Variants in NRXN3 observed in about 807,000 individuals in gnomAD.
The protein encoded by NRXN3 is neurexin III.
In NRXN3, 32 loss-of-function variants were observed where a neutral mutation model predicts 137.6. That is an observed-to-expected ratio of 0.23 (90% CI 0.18 to 0.31). The LOEUF is 0.31. Among genes scored for constraint, NRXN3 ranks in the 10% least tolerant of loss-of-function variants. The probability of loss-of-function intolerance (pLI) is 1.00; values close to 1 mark genes in which losing one functional copy is unlikely to be tolerated. For synonymous variants in NRXN3, 798 were observed against 784.5 expected, an observed-to-expected ratio of 1.02 and a Z score of -0.29; for missense variants, 1,574 against 2,062.5, an observed-to-expected ratio of 0.76 and a Z score of 4.59.
At chr14:78,278,553 T>G in intron 2 of NRXN3, 92 bp from the exon 3 acceptor site, 2 of 927,610 alleles carry the variant, frequency 2.2e-6, no homozygotes, top group Non-Finnish European at 3.4e-6. Flanking sequence ...GCACATTGCA[T>G]TGTGTGTGTG....
chr14:79,745,700 C>T (rs2098977588), intron 19 of NRXN3, among the ~76,000 whole-genome samples: 1 of 152,100 alleles, frequency 6.6e-6, no homozygotes, highest in Non-Finnish European at 1.5e-5. Flanking sequence ...AATGTATTAT[C>T]TCATAGTTAC....
intron 15 of NRXN3, among the ~76,000 whole-genome samples, chr14:79,464,200 C>A (rs1316451837): frequency 6.6e-6 from 1 of 151,988 alleles, no homozygotes; most frequent in African/African-American, 2.4e-5. Flanking sequence ...AAATACTTTA[C>A]CAAGAATAGA....
chr14:79,241,588 C>T (rs1320886254), intron 15 of NRXN3, among the ~76,000 whole-genome samples: 1 of 152,122 alleles, frequency 6.6e-6, no homozygotes, highest in East Asian at 1.9e-4. Flanking sequence ...CACCTGGCCC[C>T]ACCCTTCACA....
At chr14:78,512,141 C>T (rs1206975914) in intron 4 of NRXN3, among the ~76,000 whole-genome samples, 1 of 152,092 alleles carries the variant, frequency 6.6e-6, no homozygotes, top group Non-Finnish European at 1.5e-5. Context: ...ATGAAGGATT[C>T]ATGGCCAAGT....
At chr14:79,843,909 A>T (rs910879556) in intron 20 of NRXN3, among the ~76,000 whole-genome samples, 9 of 152,026 alleles carry the variant, frequency 5.9e-5, no homozygotes, top group African/African-American at 2.2e-4. Context: ...GCCCCCTCCC[A>T]ACCTTCAAGT....
chr14:78,319,475 A>C (rs2079077174), intron 4 of NRXN3, among the ~76,000 whole-genome samples: 1 of 152,186 alleles, frequency 6.6e-6, no homozygotes, highest in South Asian at 2.1e-4. Flanking sequence ...CCATGAGGAC[A>C]CATTTCTGGG....
intron 15 of NRXN3, among the ~76,000 whole-genome samples, chr14:79,379,992 G>A (rs1015609157): frequency 6.6e-6 from 1 of 151,792 alleles, no homozygotes; most frequent in Non-Finnish European, 1.5e-5. Context: ...AAACAATCTA[G>A]GATTTCTGGA....
rs1222913544 is a variant in NRXN3, at chr14:78,548,207, C to T, written c.758-96913C>T. On this transcript the variant is annotated intron_variant, in intron 4 of 20. Coordinates refer to ENST00000335750, the MANE Select transcript of NRXN3 (RefSeq NM_001330195.2). ...ATAATTCCTTATCAAGAAATTTAAA[C>T]AACTCTAGTTAAAAACTTACAGAAT... 1.3e-5 allele frequency among the ~76,000 whole-genome samples: 2 copies of T among 152,042 alleles called. 1 individual carries two copies. Among genetic ancestry groups the T allele is most frequent in the Admixed American group, 1.3e-4 (2 of 15,250 alleles).
chr14:78,509,976 A>T (rs535425190), intron 4 of NRXN3, among the ~76,000 whole-genome samples: 152 of 151,614 alleles, frequency 1.0e-3, no homozygotes, highest in South Asian at 9.0e-3. Flanking sequence ...TTTTCTATAT[A>T]GGGGAGGAAA....
chr14:79,679,696 G>A (rs1212794686), intron 17 of NRXN3, among the ~76,000 whole-genome samples: 2 of 152,012 alleles, frequency 1.3e-5, no homozygotes, highest in Non-Finnish European at 2.9e-5. Flanking sequence ...AATTTCATAG[G>A]AAAAAAATAC....
chr14:78,251,284 A>G (rs1387355512), intron 2 of NRXN3, among the ~76,000 whole-genome samples: 1 of 152,120 alleles, frequency 6.6e-6, no homozygotes. Context: ...AAAAAAAAAC[A>G]ATCTTTCTCT....
At chr14:78,495,939 T>C (rs1010429852) in intron 4 of NRXN3, among the ~76,000 whole-genome samples, 5 of 152,216 alleles carry the variant, frequency 3.3e-5, no homozygotes, top group Non-Finnish European at 4.4e-5. Context: ...AATATCTTCC[T>C]CACGTATGCC....
At chr14:79,545,380 A>G (rs1313673073) in intron 16 of NRXN3, among the ~76,000 whole-genome samples, 1 of 152,064 alleles carries the variant, frequency 6.6e-6, no homozygotes, top group Non-Finnish European at 1.5e-5. Context: ...ATAAATGCAG[A>G]TGTTGTTTTT....
chr14:79,130,360 T>G (rs1217808693), intron 15 of NRXN3, among the ~76,000 whole-genome samples: 1 of 152,142 alleles, frequency 6.6e-6, no homozygotes, highest in Non-Finnish European at 1.5e-5. Flanking sequence ...AGGAGCTCTT[T>G]TAGGGCAGGC....
chr14:79,595,658 C>G (rs1294123879), intron 16 of NRXN3, among the ~76,000 whole-genome samples: 1 of 151,948 alleles, frequency 6.6e-6, no homozygotes. Context: ...TAAAAATATA[C>G]TAGATTGTAA....
intron 17 of NRXN3, among the ~76,000 whole-genome samples, chr14:79,685,579 T>G (rs572032581): frequency 8.5e-5 from 13 of 152,306 alleles, no homozygotes; most frequent in African/African-American, 3.1e-4. Context: ...CATTTGAAGT[T>G]GCTTGAAAAT....
chr14:78,579,644 A>G lies in NRXN3; in HGVS notation c.758-65476A>G, dbSNP rs115451554. Among the ~76,000 whole-genome samples the G allele has an allele frequency of 8.9e-3, 1,358 of 152,246 alleles. 26 individuals are homozygous for G. The highest frequency in any genetic ancestry group is 0.032 in the African/African-American group (1,317 of 41,552). On this transcript the variant is annotated intron_variant, in intron 4 of 20. Coordinates refer to ENST00000335750, the MANE Select transcript of NRXN3 (RefSeq NM_001330195.2). Reference sequence around the variant, plus strand: ...CTTCTCATCACCCTCTTCAGGGTCAATGTGATGGCTTCGTAGAATCAAGTG... The same window carrying G: ...CTTCTCATCACCCTCTTCAGGGTCAGTGTGATGGCTTCGTAGAATCAAGTG...
chr14:79,284,455 A>G, intron 15 of NRXN3, among the ~76,000 whole-genome samples: 1 of 148,220 alleles, frequency 6.7e-6, no homozygotes, highest in Admixed American at 6.8e-5. Context: ...TTCTCTAAGG[A>G]TTCAAGGTTT....
chr14:78,302,795 TC>T (rs2077001207), intron 4 of NRXN3, among the ~76,000 whole-genome samples: 1 of 152,200 alleles, frequency 6.6e-6, no homozygotes, highest in South Asian at 2.1e-4. Context: ...TCATTCTCCT[TC>T]CTGAACCTTC....
Sources: allele counts gnomAD v4.1 joint callset (sites outside exome capture counted in the v4.1 genomes callset), GRCh38; gene constraint gnomAD v4.1.1; transcripts MANE v1.5; gene names NCBI Gene and HGNC (gene_info 2026-07-23, HGNC 2026-07-21).